Variants in DNAAF4 observed in about 807,000 individuals in gnomAD.
DNAAF4 encodes the protein dynein assembly factor 4, axonemal.
A neutral mutation model predicts 51.8 loss-of-function variants in DNAAF4; 43 were observed. The observed-to-expected ratio is 0.83, with a 90% CI of 0.65 to 1.07. The LOEUF is 1.07. Among genes scored for constraint, DNAAF4 ranks in the 50% least tolerant of loss-of-function variants. The pLI, the probability that DNAAF4 is intolerant of heterozygous loss-of-function variation, is 0.00. For synonymous variants in DNAAF4, 194 were observed against 165.6 expected (o/e 1.17, Z -1.32); for missense variants, 581 against 493.0 (o/e 1.18, Z -1.69).
chr15:55,499,258 C>G (rs1295463111), intron 1 of DNAAF4, among the ~76,000 whole-genome samples: 1 of 152,194 alleles, frequency 6.6e-6, no homozygotes, highest in East Asian at 1.9e-4. Context: ...CACACATGGA[C>G]TCTGCGTTCT....
intron 3 of DNAAF4, among the ~76,000 whole-genome samples, chr15:55,492,365 A>C (rs1206512079): frequency 6.6e-6 from 1 of 151,804 alleles, no homozygotes; most frequent in African/African-American, 2.4e-5. Flanking sequence ...TAGAGGGATG[A>C]ATCATACCCC....
chr15:55,461,597 A>G (rs981026308), intron 5 of DNAAF4, among the ~76,000 whole-genome samples: 1 of 152,180 alleles, frequency 6.6e-6, no homozygotes, highest in African/African-American at 2.4e-5. Context: ...GAACGATAAT[A>G]GTGACACAAC....
intron 4 of DNAAF4, among the ~76,000 whole-genome samples, chr15:55,484,608 TAGTC>T (rs1007433904): frequency 6.6e-5 from 10 of 152,182 alleles, no homozygotes; most frequent in African/African-American, 2.4e-4. Flanking sequence ...TCGTGTATAT[TAGTC>T]AGGGTTCTTT....
intron 7 of DNAAF4, among the ~76,000 whole-genome samples, chr15:55,420,012 A>G (rs1050885405): frequency 2.0e-5 from 3 of 152,160 alleles, no homozygotes; most frequent in Non-Finnish European, 4.4e-5. Context: ...TCAAAAAAAA[A>G]GAATAAAAAA....
At chr15:55,419,771 T>C (rs1436146348) in intron 7 of DNAAF4, among the ~76,000 whole-genome samples, 2 of 152,030 alleles carry the variant, frequency 1.3e-5, no homozygotes, top group Non-Finnish European at 1.5e-5. Flanking sequence ...CCGGGGCTGG[T>C]GGATCACCTG....
intron 4 of DNAAF4, among the ~76,000 whole-genome samples, chr15:55,485,317 GTTA>G (rs775682926): frequency 2.0e-5 from 3 of 152,188 alleles, no homozygotes; most frequent in Non-Finnish European, 4.4e-5. Context: ...AATCATGAAA[GTTA>G]TTATCATAAA....
chr15:55,482,292 G>A (rs930832683), intron 4 of DNAAF4, among the ~76,000 whole-genome samples: 1 of 152,100 alleles, frequency 6.6e-6, no homozygotes, highest in African/African-American at 2.4e-5. Flanking sequence ...AGCCATTGTG[G>A]AAAACTATTT....
chr15:55,426,757 T>C (rs1276078384), downstream of DNAAF4, among the ~76,000 whole-genome samples: 5 of 152,154 alleles, frequency 3.3e-5, no homozygotes, highest in Admixed American at 3.3e-4. Context: ...TGATAAATCA[T>C]GAGAGAGAAG....
At chr15:55,502,604 A>T (rs1041827737) in intron 1 of DNAAF4, among the ~76,000 whole-genome samples, 1 of 152,212 alleles carries the variant, frequency 6.6e-6, no homozygotes, top group African/African-American at 2.4e-5. Context: ...TTAGAAGGGT[A>T]GAAGGAGAAG....
In DNAAF4 at chr15:55,450,392, A is replaced by T. The variant is rs199966941; in HGVS notation, c.638-25T>A. ...CCTTCAAAAACAATGGTAGCAAACA[A>T]GTCACTTATTTCTCATTTTCTAGTT... is the stretch of plus-strand genomic sequence containing the variant. On this transcript the variant is annotated intron_variant, in intron 5 of 9. Transcript: ENST00000321149. 1.4e-3 allele frequency: 2,241 copies of T among 1,601,644 alleles called. 5 individuals are homozygous for T. The highest frequency in any genetic ancestry group is 1.8e-3 in the Non-Finnish European group (2,087 of 1,174,364).
At position 55,432,514 on chromosome 15, in the gene DNAAF4, A is replaced by G; in HGVS notation, c.1136T>C (p.Leu379Pro). 1 of 1,610,818 alleles carries G rather than the reference A, an allele frequency of 6.2e-7. No homozygotes were observed. The highest frequency in any genetic ancestry group is 1.7e-4 in the Middle Eastern group (1 of 6,048). The change falls in exon 9 of 10, where the codon CTA becomes CCA. Residue 379 changes from leucine (L) to proline (P), a missense_variant. Physicochemically the swap from Leu to Pro is moderately conservative, Grantham distance 98. Transcript: ENST00000321149. ...TTCCTTACCTTCTACATACAATTCT[A>G]GTTGACAGAATGCTGTTCCACGTCG... is the stretch of plus-strand genomic sequence containing the variant. ...HVRRGTAFCQLELYVEGLQDY... is the reference protein window; with the variant it reads ...HVRRGTAFCQPELYVEGLQDY...
chr15:55,491,108 C>T lies in DNAAF4; in HGVS notation c.405+15G>A. On this transcript the variant is annotated intron_variant, in intron 4 of 9. Transcript: ENST00000321149. ...TTATCTCTTTAGAGGACTTGCCTGT[C>T]ATTCTGCAACTTACCTTCATCATGA... 6.2e-7 allele frequency: 1 copy of T among 1,613,870 alleles called. No homozygotes were observed. Among genetic ancestry groups the T allele is most frequent in the Non-Finnish European group, 8.5e-7 (1 of 1,179,948 alleles).
At chr15:55,447,363 C>G (rs1239988162) in intron 6 of DNAAF4, among the ~76,000 whole-genome samples, 1 of 151,980 alleles carries the variant, frequency 6.6e-6, no homozygotes, top group East Asian at 1.9e-4. Context: ...TCCTCACTTC[C>G]TAGATGGGGT....
chr15:55,454,051 A>G (rs1054063190), intron 5 of DNAAF4, among the ~76,000 whole-genome samples: 2 of 152,072 alleles, frequency 1.3e-5, no homozygotes, highest in Non-Finnish European at 2.9e-5. Context: ...CTGTAATCCC[A>G]GGATTTTGGG....
intron 1 of DNAAF4, among the ~76,000 whole-genome samples, chr15:55,507,521 C>T (rs1368882757): frequency 6.6e-6 from 1 of 152,122 alleles, no homozygotes; most frequent in Non-Finnish European, 1.5e-5. Context: ...ATGCATATAG[C>T]TTTTGCATCA....
rs71105878 is a variant in DNAAF4, at chr15:55,423,168, G to GTTT, written c.1048-5038_1048-5036dup. On this transcript the variant is annotated intron_variant, in intron 7 of 7. Coordinates refer to the DNAAF4 transcript ENST00000448430. ...GCAATAGCTAGATGTAGAGCCAAAA[G>GTTT]TTTTTTTTTTTTTAAGATATGATAT... 7.2e-3 allele frequency among the ~76,000 whole-genome samples: 1,056 copies of GTTT among 145,930 alleles called. 5 individuals are homozygous for GTTT. Among genetic ancestry groups the GTTT allele is most frequent in the East Asian group, 0.034 (173 of 5,016 alleles).
In DNAAF4 at chr15:55,449,695, G is replaced by A. The variant is rs1327804754; in HGVS notation, c.783+527C>T. On this transcript the variant is annotated intron_variant, in intron 6 of 9. Coordinates refer to ENST00000321149, the MANE Select transcript of DNAAF4 (RefSeq NM_130810.4). Reference sequence around the variant, plus strand: ...AACAAACAACAACAACAAAAAGACCGCTTTTTTTTTTTTTTTTTTTTGATT... The same window carrying A: ...AACAAACAACAACAACAAAAAGACCACTTTTTTTTTTTTTTTTTTTTGATT... 5.2e-3 allele frequency among the ~76,000 whole-genome samples: 183 copies of A among 35,284 alleles called. 2 individuals are homozygous for A. The highest frequency in any genetic ancestry group is 0.031 in the South Asian group (26 of 826). 23.1% of individuals were successfully genotyped at this position (35,284 alleles called of 152,430 possible).
intron 7 of DNAAF4, among the ~76,000 whole-genome samples, chr15:55,419,400 GGTGT>G (rs377523924): frequency 2.0e-5 from 3 of 148,154 alleles, no homozygotes; most frequent in South Asian, 4.3e-4. Context: ...TAATTTGTGG[GGTGT>G]GTGTGTGTGT....
At chr15:55,476,211 T>A (rs1424975177) in intron 4 of DNAAF4, among the ~76,000 whole-genome samples, 1 of 152,060 alleles carries the variant, frequency 6.6e-6, no homozygotes, top group Non-Finnish European at 1.5e-5. Context: ...GCACCTGCAA[T>A]CCCAGGTGTG....
Sources: allele counts gnomAD v4.1 joint callset (sites outside exome capture counted in the v4.1 genomes callset), GRCh38; gene constraint gnomAD v4.1.1; transcripts MANE v1.5; gene names NCBI Gene and HGNC (gene_info 2026-07-23, HGNC 2026-07-21).